Variants in ZNF735 observed in about 807,000 individuals in gnomAD.
ZNF735 encodes putative zinc finger protein 735.
ZNF735 carries 11 observed loss-of-function variants against 13.4 expected under a neutral mutation model. The observed-to-expected ratio is 0.82, with a 90% CI of 0.52 to 1.36. The LOEUF (loss-of-function observed/expected upper bound fraction) is 1.36, where lower values mean the gene tolerates loss of function less well. Ranked by LOEUF, ZNF735 falls within the 40% of genes most tolerant of loss-of-function variation. The probability of loss-of-function intolerance (pLI) is 0.00; values close to 1 mark genes in which losing one functional copy is unlikely to be tolerated. For synonymous variants in ZNF735, 171 were observed against 162.6 expected, an observed-to-expected ratio of 1.05 and a Z score of -0.39; for missense variants, 500 against 484.6, an observed-to-expected ratio of 1.03 and a Z score of -0.30.
At chr7:64,209,033 C>T (rs1326979595) in intron 1 of ZNF735, among the ~76,000 whole-genome samples, 1 of 152,130 alleles carries the variant, frequency 6.6e-6, no homozygotes, top group Admixed American at 6.6e-5. Flanking sequence ...TAAACATATG[C>T]GTGCATGTGT....
chr7:64,208,497 TCTGC>T (rs887871486), intron 1 of ZNF735, among the ~76,000 whole-genome samples: 2 of 152,118 alleles, frequency 1.3e-5, no homozygotes, highest in Admixed American at 1.3e-4. Flanking sequence ...CCTCAGGTGA[TCTGC>T]CTGCCTCAGC....
chr7:64,216,368 T>A (rs930538243), intron 3 of ZNF735, among the ~76,000 whole-genome samples: 2 of 152,146 alleles, frequency 1.3e-5, no homozygotes, highest in African/African-American at 4.8e-5. Flanking sequence ...TTATATTAAA[T>A]TTGTTCACCA....
chr7:64,220,287 A>C (rs781233850), exon 4 of ZNF735: 1 of 1,603,782 alleles, frequency 6.2e-7, no homozygotes, highest in South Asian at 1.1e-5. Context: ...ACAAATGTAA[A>C]TAATGTGGCA....
chr7:64,213,958 C>T, intron 2 of ZNF735, 55 bp from the exon 3 acceptor site: 1 of 1,449,654 alleles, frequency 6.9e-7, no homozygotes, highest in Non-Finnish European at 9.2e-7. Flanking sequence ...GACTCCATCT[C>T]AAAAAATAAA....
At chr7:64,208,012 C>T (rs1398057175) in intron 1 of ZNF735, among the ~76,000 whole-genome samples, 1 of 151,758 alleles carries the variant, frequency 6.6e-6, no homozygotes, top group African/African-American at 2.4e-5. Flanking sequence ...AACCATAGAG[C>T]GCCCAGCTAT....
chr7:64,219,421 C>T lies in ZNF735; in HGVS notation c.370C>T (p.Gln124Ter). Residue 124 changes from glutamine (Q) to a stop codon, truncating the protein, a stop_gained, in exon 4 of 4, where the codon CAA (glutamine) becomes TAA (stop). Transcript: ENST00000429565. LOFTEE classifies it low-confidence loss of function (END_TRUNC). The stretch of plus-strand genomic sequence containing the variant: ...TGGAAAATGTGGACATGAGAATTTA[C>T]AATTAAAAAAATGTTGTAAAAGAGT... The T allele has an allele frequency of 6.2e-7, 1 of 1,613,752 alleles. No homozygotes were observed. Among genetic ancestry groups the T allele is most frequent in the Non-Finnish European group, 8.5e-7 (1 of 1,179,912 alleles).
chr7:64,216,928 C>T (rs1210402603), intron 3 of ZNF735, among the ~76,000 whole-genome samples: 2 of 152,076 alleles, frequency 1.3e-5, no homozygotes, highest in East Asian at 1.9e-4. Context: ...TTTACTAAGA[C>T]TTATGTGTTC....
At chr7:64,217,925 T>C (rs1199293812) in intron 3 of ZNF735, among the ~76,000 whole-genome samples, 1 of 152,162 alleles carries the variant, frequency 6.6e-6, no homozygotes, top group Non-Finnish European at 1.5e-5. Flanking sequence ...ATTTTTATGC[T>C]TATATCTTTC....
chr7:64,219,100 G>A (rs1022552192), intron 3 of ZNF735, among the ~76,000 whole-genome samples: 6 of 152,096 alleles, frequency 3.9e-5, no homozygotes, highest in Non-Finnish European at 8.8e-5. Flanking sequence ...TGGTCACATG[G>A]TGCACACACT....
intron 3 of ZNF735, among the ~76,000 whole-genome samples, chr7:64,215,576 A>G (rs11772327): frequency 0.29 from 44,561 of 151,964 alleles, 6,511 homozygotes; most frequent in East Asian, 0.32. Context: ...TTGCTCATGC[A>G]TTTGATGACA....
chr7:64,209,379 C>T (rs575853432), intron 1 of ZNF735, among the ~76,000 whole-genome samples: 4 of 148,214 alleles, frequency 2.7e-5, no homozygotes, highest in East Asian at 2.0e-4. Context: ...GACGGAGCTT[C>T]GCTTTCGCCC....
intron 2 of ZNF735, among the ~76,000 whole-genome samples, 164 bp from the exon 3 acceptor site, chr7:64,213,849 C>T (rs1236492320): frequency 6.6e-6 from 1 of 152,096 alleles, no homozygotes; most frequent in East Asian, 1.9e-4. Flanking sequence ...GTCCCAGCTA[C>T]TCAGGAGGCT....
intron 1 of ZNF735, among the ~76,000 whole-genome samples, chr7:64,208,370 C>A (rs1787317672): frequency 6.8e-6 from 1 of 146,940 alleles, no homozygotes; most frequent in Non-Finnish European, 1.5e-5. Context: ...GATTGTCCTG[C>A]CTCAGCCTCC....
exon 4 of ZNF735, chr7:64,219,719 A>C: frequency 6.3e-7 from 1 of 1,596,728 alleles, no homozygotes; most frequent in African/African-American, 1.3e-5. Flanking sequence ...AAATCCTTTA[A>C]CCACTCCTCA....
intron 1 of ZNF735, among the ~76,000 whole-genome samples, chr7:64,211,632 G>T (rs1787361110): frequency 6.6e-6 from 1 of 151,828 alleles, no homozygotes; most frequent in Non-Finnish European, 1.5e-5. Context: ...GGGAGGCTGG[G>T]GCAGGCAGAT....
chr7:64,210,875 T>TTA (rs1236303619), intron 1 of ZNF735, among the ~76,000 whole-genome samples: 1 of 152,214 alleles, frequency 6.6e-6, no homozygotes, highest in Non-Finnish European at 1.5e-5. Flanking sequence ...TTTAAAGGCA[T>TTA]ATTCTCAAGA....
Position 64,215,734 on chromosome 7 carries a change from A to G in ZNF735, c.262+1626A>G, listed in dbSNP as rs541027603. On this transcript the variant is annotated intron_variant, in intron 3 of 3. Transcript: ENST00000429565. ...TAAAGCATCCAACTTCATTTTTTCA[A>G]TGTAGATATCCAGTTTTCAACATTA... Among the ~76,000 whole-genome samples the G allele has an allele frequency of 1.2e-4, 18 of 152,032 alleles. No homozygotes were observed. The South Asian group carries it at 3.7e-3, about 32-fold the overall frequency.
chr7:64,216,151 C>G (rs1231264300), intron 3 of ZNF735, among the ~76,000 whole-genome samples: 2 of 151,794 alleles, frequency 1.3e-5, no homozygotes, highest in Non-Finnish European at 2.9e-5. Flanking sequence ...AAAAAATTAA[C>G]CAGGTGTAGT....
intron 1 of ZNF735, among the ~76,000 whole-genome samples, chr7:64,208,669 G>T (rs887756320): frequency 6.6e-6 from 1 of 152,014 alleles, no homozygotes; most frequent in African/African-American, 2.4e-5. Context: ...TATCACTCAC[G>T]TACTAAGCAT....
Sources: gnomAD v4.1 joint callset for allele counts (sites outside exome capture counted in the v4.1 genomes callset) on GRCh38, gnomAD v4.1.1 for gene constraint, MANE v1.5 for transcripts, NCBI Gene and HGNC (gene_info 2026-07-23, HGNC 2026-07-21) for gene names.